Variants in BPIFA1 observed in about 807,000 individuals in gnomAD.
The protein encoded by BPIFA1 is BPI fold containing family A member 1.
Under a neutral mutation model 25.1 loss-of-function variants are expected in BPIFA1, and 24 were observed. The observed-to-expected ratio is 0.96, with a 90% CI of 0.69 to 1.35. The LOEUF (loss-of-function observed/expected upper bound fraction) is 1.35. Among genes scored for constraint, BPIFA1 ranks in the 40% most tolerant of loss-of-function variants. The pLI is 0.00. For synonymous variants in BPIFA1, 139 were observed against 131.8 expected (o/e 1.05, Z -0.37); for missense variants, 344 against 303.7 (o/e 1.13, Z -0.99).
chr20:33,242,766 AAC>A (rs745709113), intron 8 of BPIFA1, among the ~76,000 whole-genome samples: 1 of 152,156 alleles, frequency 6.6e-6, no homozygotes, highest in Non-Finnish European at 1.5e-5. Context: ...TACCAAGAGA[AAC>A]ACACACACAA....
Position 33,237,737 on chromosome 20 carries a change from T to A in BPIFA1, c.26T>A (p.Val9Asp). Residue 9 changes from valine to aspartate, a missense_variant, in exon 2 of 9, where the codon GTC becomes GAC. Physicochemically the swap from Val to Asp is radical, Grantham distance 152 (BLOSUM62 -3). Coordinates refer to ENST00000354297, the MANE Select transcript of BPIFA1 (RefSeq NM_130852.3). The part of the protein sequence containing the change: MFQTGGLI[V>D]FYGLLAQTMA... ...ATGTTTCAAACTGGGGGCCTCATTG[T>A]CTTCTACGGGCTGTTAGCCCAGACC... 1 of 1,482,868 alleles carries A rather than the reference T, an allele frequency of 6.7e-7. No individual in the cohort carries two copies. Among genetic ancestry groups the A allele is most frequent in the South Asian group, 1.5e-5 (1 of 67,992 alleles). 91.9% of individuals were successfully genotyped at this position (1,482,868 alleles called of 1,614,324 possible). A position where few individuals can be genotyped will look rare whatever the true frequency, so the allele number is the denominator to read the frequency against.
At chr20:33,240,205 G>A in intron 4 of BPIFA1, 28 bp from the exon 5 acceptor site, 2 of 1,610,652 alleles carry the variant, frequency 1.2e-6, no homozygotes, top group Non-Finnish European at 1.7e-6. Flanking sequence ...GGTGGAGCTA[G>A]ATACCAGTGG....
chr20:33,240,634 GGATA>G (rs1226819278), intron 5 of BPIFA1, among the ~76,000 whole-genome samples: 59 of 132,834 alleles, frequency 4.4e-4, no homozygotes, highest in African/African-American at 1.6e-3. Flanking sequence ...ATAGATGGAT[GGATA>G]GATAGATGAT....
chr20:33,240,815 G>C (rs1376327744), intron 5 of BPIFA1, among the ~76,000 whole-genome samples: 5 of 152,130 alleles, frequency 3.3e-5, no homozygotes, highest in Non-Finnish European at 7.4e-5. Context: ...GTGTGAACCT[G>C]GGTAGTGCTT....
intron 1 of BPIFA1, among the ~76,000 whole-genome samples, chr20:33,237,103 G>A (rs1308112915): frequency 1.1e-4 from 17 of 152,200 alleles, no homozygotes; most frequent in Admixed American, 1.1e-3. Context: ...AACCATTGAA[G>A]CAAGCCCGAT....
At chr20:33,239,966 A>G in intron 4 of BPIFA1, 56 bp downstream of exon 4, 1 of 1,527,342 alleles carries the variant, frequency 6.5e-7, no homozygotes, top group Non-Finnish European at 9.1e-7. Flanking sequence ...GACCCTGGTG[A>G]CCATGGTTAA....
At position 33,242,213 on chromosome 20, in the gene BPIFA1, C is replaced by A. The variant is rs1369993001; in HGVS notation, c.730+94C>A. On this transcript the variant is annotated intron_variant, in intron 7 of 8. Transcript: ENST00000354297. ...CCCTGCACACCCTAGGATACTAGGT[C>A]CCTCTGGCCTCAACTCTCTCTATTT... 3 of 1,278,454 alleles carry A rather than the reference C, an allele frequency of 2.3e-6. No homozygotes were observed. In the African/African-American group the frequency reaches 4.4e-5, roughly 19 times the overall value. The allele number at this position is 1,278,454 out of a possible 1,614,324, so 79.2% of individuals were successfully genotyped here.
In BPIFA1 at chr20:33,239,807, A is replaced by T; in HGVS notation, c.325A>T (p.Lys109Ter). 6.2e-7 allele frequency: 1 copy of T among 1,613,874 alleles called. No individual in the cohort carries two copies. Among genetic ancestry groups the T allele is most frequent in the Non-Finnish European group, 8.5e-7 (1 of 1,179,738 alleles). Reference sequence around the variant, plus strand: ...CCAATATTACTCCCTGGACAGCATAAAGGTCACTGACCCCCAGCTGCTGGA... The same window carrying T: ...CCAATATTACTCCCTGGACAGCATATAGGTCACTGACCCCCAGCTGCTGGA... ...IPGLNNIIDIKVTDPQLLELG... is the reference protein window; with the variant it reads ...IPGLNNIIDI Residue 109 changes from lysine (K) to a stop codon, truncating the protein, a stop_gained, in exon 4 of 9, where the codon AAG becomes TAG. Transcript: ENST00000354297. LOFTEE classifies it high-confidence loss of function.
intron 2 of BPIFA1, 21 bp downstream of exon 2, chr20:33,237,892 G>A (rs1378099775): frequency 2.3e-5 from 35 of 1,520,304 alleles, no homozygotes; most frequent in Middle Eastern, 1.8e-4. Context: ...AGGGGTGTAT[G>A]TGTGCATGTG....
chr20:33,238,287 TGACCCTGAAGCAGC>T (rs1225002711), intron 3 of BPIFA1, 73 bp downstream of exon 3: 25 of 856,962 alleles, frequency 2.9e-5, no homozygotes, highest in African/African-American at 9.4e-5. Context: ...CCCCAGGCAG[TGACCCTGAAGCAGC>T]GACCCTGAAG....
intron 5 of BPIFA1, 80 bp from the exon 6 acceptor site, chr20:33,241,304 TG>T: frequency 7.7e-7 from 1 of 1,293,070 alleles, no homozygotes; most frequent in South Asian, 1.2e-5. Flanking sequence ...GTTGAGACTG[TG>T]GGGTTCACAG....
intron 1 of BPIFA1, 52 bp from the exon 2 acceptor site, chr20:33,237,645 T>C: frequency 2.2e-6 from 3 of 1,345,678 alleles, no homozygotes; most frequent in South Asian, 5.0e-5. Context: ...AGGTGGTGGA[T>C]AAATTCCTCT....
Position 33,241,433 on chromosome 20 carries a change from C to T in BPIFA1, c.630C>T (p.Ile210=), listed in dbSNP as rs1373784339. 1.9e-6 allele frequency: 3 copies of T among 1,614,124 alleles called. No homozygotes were observed. The highest frequency in any genetic ancestry group is 2.7e-5 in the African/African-American group (2 of 75,026). ...GTCTTCTGGACAGCCTCACAGGGAT[C>T]TTGAATAAAGTCCTGCCTGAGTTGG... is the stretch of plus-strand genomic sequence containing the variant. ...IQGLLDSLTG[I]LNKVLPELVQ... Residue 210 remains isoleucine, a synonymous_variant, in exon 6 of 9, where the codon ATC becomes ATT. Coordinates refer to ENST00000354297, the MANE Select transcript of BPIFA1 (RefSeq NM_130852.3).
chr20:33,241,513 G>T, intron 6 of BPIFA1, 44 bp downstream of exon 6: 1 of 1,546,902 alleles, frequency 6.5e-7, no homozygotes. Context: ...AGGTTTTAGA[G>T]CTTCTTGCAC....
rs1224019753 is a variant in BPIFA1 at position 33,242,692 on chromosome 20, GCACAGAGAAATC to G, written c.*34+138_*34+149del. On this transcript the variant is annotated intron_variant, in intron 8 of 8. Coordinates refer to ENST00000354297, the MANE Select transcript of BPIFA1 (RefSeq NM_130852.3). ...CATCTACAGAGGTACACACAGGGAT[GCACAGAGAAATC>G]CACAGAAAAGCTGACAGAGGTGGAA... 3 of 675,836 alleles carry G rather than the reference GCACAGAGAAATC, an allele frequency of 4.4e-6. No homozygotes were observed. The East Asian group carries it at 8.2e-5, about 19-fold the overall frequency. 41.9% of individuals were successfully genotyped at this position (675,836 alleles called of 1,614,324 possible).
intron 6 of BPIFA1, 43 bp downstream of exon 6, chr20:33,241,512 A>G: frequency 2.6e-6 from 4 of 1,538,964 alleles, no homozygotes; most frequent in Non-Finnish European, 3.6e-6. Context: ...CAGGTTTTAG[A>G]GCTTCTTGCA....
At chr20:33,237,987 G>C in intron 2 of BPIFA1, 68 bp from the exon 3 acceptor site, 1 of 1,558,150 alleles carries the variant, frequency 6.4e-7, no homozygotes, top group Non-Finnish European at 8.7e-7. Context: ...AGGGCTGGAT[G>C]GGGGAGGGGG....
chr20:33,239,796 T>C lies in BPIFA1; in HGVS notation c.321-7T>C, dbSNP rs888953040. Reference sequence around the variant, plus strand: ...TGTTTCCCCCTCCAATATTACTCCCTGGACAGCATAAAGGTCACTGACCCC... The same window carrying C: ...TGTTTCCCCCTCCAATATTACTCCCCGGACAGCATAAAGGTCACTGACCCC... On this transcript the variant is annotated splice_region_variant and splice_polypyrimidine_tract_variant and intron_variant, in intron 3 of 8. Coordinates refer to ENST00000354297, the MANE Select transcript of BPIFA1 (RefSeq NM_130852.3). The C allele has an allele frequency of 6.8e-5, 109 of 1,612,548 alleles. No homozygotes were observed. The highest frequency in any genetic ancestry group is 8.8e-5 in the Non-Finnish European group (104 of 1,178,676).
chr20:33,240,208 A>G (rs1414871638), intron 4 of BPIFA1, 25 bp from the exon 5 acceptor site: 4 of 1,610,856 alleles, frequency 2.5e-6, no homozygotes, highest in Non-Finnish European at 1.7e-6. Flanking sequence ...GGAGCTAGAT[A>G]CCAGTGGGGC....
Sources: allele counts gnomAD v4.1 joint callset (sites outside exome capture counted in the v4.1 genomes callset), GRCh38; gene constraint gnomAD v4.1.1; transcripts MANE v1.5; gene names NCBI Gene and HGNC (gene_info 2026-07-23, HGNC 2026-07-21).